Variants in CDS2 observed in about 807,000 individuals in gnomAD.
CDS2 encodes the protein phosphatidate cytidylyltransferase 2.
In CDS2, 47 loss-of-function variants were observed where a neutral mutation model predicts 59.0. The ratio of observed to expected loss-of-function variants is 0.80; its 90% CI spans 0.63 to 1.02. The LOEUF (loss-of-function observed/expected upper bound fraction) is 1.02. CDS2 is among the 50% of genes least tolerant of loss of function. CDS2 has a pLI of 0.00. For synonymous variants in CDS2, 207 were observed against 206.4 expected (o/e 1.00, Z -0.02); for missense variants, 356 against 558.9 (o/e 0.64, Z 3.66).
At chr20:5,160,801 A>G (rs1406357015) in intron 1 of CDS2, among the ~76,000 whole-genome samples, 2 of 152,156 alleles carry the variant, frequency 1.3e-5, no homozygotes, top group South Asian at 2.1e-4. Flanking sequence ...AAGTGGAATC[A>G]TATATTTGTC....
chr20:5,181,302 C>T (rs1352380000), intron 5 of CDS2, among the ~76,000 whole-genome samples: 1 of 152,208 alleles, frequency 6.6e-6, no homozygotes, highest in African/African-American at 2.4e-5. Context: ...AAACCAAAGT[C>T]AGCCAATCAG....
Position 5,195,003 on chromosome 20 carries a change from C to G in CDS2, c.*4769C>G, listed in dbSNP as rs1403806510. On this transcript the variant is annotated 3_prime_UTR_variant, in exon 13 of 13. Transcript: ENST00000460006. The stretch of plus-strand genomic sequence containing the variant: ...GAAACTGAGGCAGTATGACTGAGGC[C>G]GAGAGCAGTGGTTAAGACAGACTTT... 1 of 152,116 alleles carries G rather than the reference C, an allele frequency of 6.6e-6. No individual in the cohort carries two copies. The highest frequency in any genetic ancestry group is 2.1e-4 in the South Asian group (1 of 4,822). 9.4% of individuals were successfully genotyped at this position (152,116 alleles called of 1,614,324 possible).
At chr20:5,132,551 A>G (rs560677997) in intron 1 of CDS2, among the ~76,000 whole-genome samples, 1 of 152,334 alleles carries the variant, frequency 6.6e-6, no homozygotes, top group Admixed American at 6.5e-5. Flanking sequence ...CTCAAATAAA[A>G]TATTAAAGAA....
At position 5,194,233 on chromosome 20, in the gene CDS2, A is replaced by G. The variant is rs2091139877; in HGVS notation, c.*3999A>G. The G allele has an allele frequency of 6.6e-6, 1 of 152,354 alleles. No homozygotes were observed. Among genetic ancestry groups the G allele is most frequent in the Non-Finnish European group, 1.5e-5 (1 of 68,162 alleles). The allele number at this position is 152,354 out of a possible 1,614,324, so 9.4% of individuals were successfully genotyped here. A position where few individuals can be genotyped will look rare whatever the true frequency, so the allele number is the denominator to read the frequency against. ...CGCAGCTGCCCAGCTTCCAGTTTTT[A>G]AAGAGATGAACAGCTCTCACTTCCT... On this transcript the variant is annotated 3_prime_UTR_variant, in exon 13 of 13. Transcript: ENST00000460006.
chr20:5,182,963 A>G (rs2091042184), intron 6 of CDS2, 98 bp from the exon 7 acceptor site: 8 of 926,660 alleles, frequency 8.6e-6, no homozygotes, highest in South Asian at 7.2e-5. Flanking sequence ...TATTTTTCCT[A>G]CCTGCTTCTC....
chr20:5,178,679 G>A (rs945460633), intron 4 of CDS2, 138 bp from the exon 5 acceptor site: 54 of 740,256 alleles, frequency 7.3e-5, no homozygotes, highest in Non-Finnish European at 1.1e-4. Context: ...TGGTCTGCCT[G>A]TTGCTCTGTG....
At chr20:5,147,441 G>C (rs2090752672) in intron 1 of CDS2, among the ~76,000 whole-genome samples, 1 of 152,184 alleles carries the variant, frequency 6.6e-6, no homozygotes, top group African/African-American at 2.4e-5. Flanking sequence ...CTGCACATCA[G>C]TAGTGGAGCC....
intron 1 of CDS2, among the ~76,000 whole-genome samples, chr20:5,153,893 G>A (rs2090811937): frequency 1.3e-5 from 2 of 152,162 alleles, no homozygotes; most frequent in South Asian, 4.1e-4. Context: ...TTGGAGGTTT[G>A]TGGCTTGGAA....
chr20:5,158,164 C>CTTTTTTTT (rs397865587), intron 1 of CDS2, among the ~76,000 whole-genome samples: 1 of 107,878 alleles, frequency 9.3e-6, no homozygotes, highest in Non-Finnish European at 2.0e-5. Flanking sequence ...TGCTTTAGGT[C>CTTTTTTTT]TTTTTTTTTT....
intron 1 of CDS2, among the ~76,000 whole-genome samples, chr20:5,160,516 T>A (rs1485539188): frequency 6.6e-6 from 1 of 152,230 alleles, no homozygotes; most frequent in African/African-American, 2.4e-5. Flanking sequence ...ACTAGCCACA[T>A]GTGGCCAATT....
At chr20:5,160,661 A>T (rs1203487386) in intron 1 of CDS2, among the ~76,000 whole-genome samples, 1 of 152,162 alleles carries the variant, frequency 6.6e-6, no homozygotes, top group Non-Finnish European at 1.5e-5. Flanking sequence ...AACATTCCAG[A>T]ATATTTTCAT....
At chr20:5,148,858 A>G (rs2090766046) in intron 1 of CDS2, among the ~76,000 whole-genome samples, 1 of 152,030 alleles carries the variant, frequency 6.6e-6, no homozygotes, top group Non-Finnish European at 1.5e-5. Context: ...TGTCTGTTCC[A>G]CAGAATTCTC....
At chr20:5,185,966 C>T (rs2091064523) in intron 9 of CDS2, 140 bp downstream of exon 9, 1 of 771,624 alleles carries the variant, frequency 1.3e-6, no homozygotes, top group Non-Finnish European at 2.1e-6. Flanking sequence ...TGAAGAGGGC[C>T]ACTGGCCATG....
At position 5,151,750 on chromosome 20, in the gene CDS2, CTTTTTTTTTTTTTTTT is replaced by C. The variant is rs57378947; in HGVS notation, c.58-21757_58-21742del. Among the ~76,000 whole-genome samples the C allele has an allele frequency of 1.7e-4, 9 of 53,178 alleles. 1 individual carries two copies. The highest frequency in any genetic ancestry group is 3.2e-4 in the East Asian group (1 of 3,172). 34.9% of individuals were successfully genotyped at this position (53,178 alleles called of 152,430 possible). A position where few individuals can be genotyped will look rare whatever the true frequency, so the allele number is the denominator to read the frequency against. ...ACCATGCCTGGCCTAGACTCCATGT[CTTTTTTTTTTTTTTTT>C]TTTTTTTTTTTTTTTGAGACGGAGT... On this transcript the variant is annotated intron_variant, in intron 1 of 12. Transcript: ENST00000460006.
rs732817 is a variant in CDS2 at position 5,194,591 on chromosome 20, C to T, written c.*4357C>T. 70,347 of 152,072 alleles carry T rather than the reference C, an allele frequency of 0.46. 16,983 individuals are homozygous for T. The highest frequency in any genetic ancestry group is 0.57 in the African/African-American group (23,543 of 41,446). 9.4% of individuals were successfully genotyped at this position (152,072 alleles called of 1,614,324 possible). A position where few individuals can be genotyped will look rare whatever the true frequency, so the allele number is the denominator to read the frequency against. ...TTTGTATAGGGACCATGTTTCCCAA[C>T]GCACTTTGAGTGCAGTTTAGGAGGT... is the stretch of plus-strand genomic sequence containing the variant. On this transcript the variant is annotated 3_prime_UTR_variant, in exon 13 of 13. Transcript: ENST00000460006.
chr20:5,173,715 G>T (rs1402614026), intron 2 of CDS2, 56 bp downstream of exon 2: 1 of 1,602,878 alleles, frequency 6.2e-7, no homozygotes, highest in Non-Finnish European at 8.5e-7. Flanking sequence ...ATGTCCAAGT[G>T]CCCTGGAAGA....
rs138500632 is a variant in CDS2 at position 5,165,668 on chromosome 20, C to T, written c.58-7855C>T. The stretch of plus-strand genomic sequence containing the variant: ...GGCTTAGGCGATCCTCCCACTTTGG[C>T]CTCCCAAAGTTTTGGGATTACAGGC... On this transcript the variant is annotated intron_variant, in intron 1 of 12. Transcript: ENST00000460006. 1.2e-4 allele frequency among the ~76,000 whole-genome samples: 18 copies of T among 152,280 alleles called. No homozygotes were observed. In the East Asian group the frequency reaches 3.3e-3, roughly 28 times the overall value.
intron 1 of CDS2, among the ~76,000 whole-genome samples, chr20:5,143,528 A>G (rs2090712809): frequency 6.6e-6 from 1 of 152,218 alleles, no homozygotes; most frequent in African/African-American, 2.4e-5. Context: ...CCAAACTTCA[A>G]ACAATCCAAA....
intron 1 of CDS2, among the ~76,000 whole-genome samples, chr20:5,159,556 G>T (rs2090861014): frequency 6.6e-6 from 1 of 152,200 alleles, no homozygotes; most frequent in Admixed American, 6.5e-5. Flanking sequence ...AGCATCAGAA[G>T]AAAATTTTAG....
Sources: allele counts gnomAD v4.1 joint callset (sites outside exome capture counted in the v4.1 genomes callset), GRCh38; gene constraint gnomAD v4.1.1; transcripts MANE v1.5; gene names NCBI Gene and HGNC (gene_info 2026-07-23, HGNC 2026-07-21).